CMTR2: variants seen among roughly 807,000 people sequenced by gnomAD.
CMTR2 encodes the protein cap-specific mRNA (nucleoside-2'-O-)-methyltransferase 2.
A neutral mutation model predicts 49.8 loss-of-function variants in CMTR2; 40 were observed. That is an observed-to-expected ratio of 0.80 (90% CI 0.62 to 1.04). CMTR2 has a LOEUF of 1.04. Among genes scored for constraint, CMTR2 ranks in the 50% least tolerant of loss-of-function variants. The pLI, the probability that CMTR2 is intolerant of heterozygous loss-of-function variation, is 0.00. For missense variants in CMTR2, 907 were observed against 897.2 expected (o/e 1.01, Z -0.14); for synonymous variants, 326 against 315.8 (o/e 1.03, Z -0.34).
At position 71,283,231 on chromosome 16, in the gene CMTR2, T is replaced by A. The variant is rs2144834656; in HGVS notation, c.*377A>T. 5.9e-6 allele frequency: 1 copy of A among 169,214 alleles called. No individual in the cohort carries two copies. Among genetic ancestry groups the A allele is most frequent in the South Asian group, 1.9e-4 (1 of 5,292 alleles). 10.5% of individuals were successfully genotyped at this position (169,214 alleles called of 1,614,324 possible). A position where few individuals can be genotyped will look rare whatever the true frequency, so the allele number is the denominator to read the frequency against. On this transcript the variant is annotated 3_prime_UTR_variant, in exon 3 of 3. Coordinates refer to ENST00000434935, the MANE Select transcript of CMTR2 (RefSeq NM_018348.6). ...AAAATTCACTAACAGCATTAGCCAC[T>A]AAGAGGAAATCGGCTGGAAAAAAAA...
intron 2 of CMTR2, chr16:71,286,546 AG>A (rs1316736860): frequency 2.0e-5 from 3 of 151,998 alleles, no homozygotes; most frequent in African/African-American, 7.3e-5. Flanking sequence ...TTACCTCACT[AG>A]TAGGATTGTT....
At position 71,285,684 on chromosome 16, in the gene CMTR2, A is replaced by C; in HGVS notation, c.237T>G (p.Asp79Glu). Reference sequence around the variant, plus strand: ...GCTCATGCCACTCATCCAGTTTCTTATCACTCAGTAGGTTTTTTACTTCAT... The same window carrying C: ...GCTCATGCCACTCATCCAGTTTCTTCTCACTCAGTAGGTTTTTTACTTCAT... ...SLNEVKNLLS[D>E]KKLDEWHEHT... The change falls in exon 3 of 3, where the codon GAT becomes GAG. Residue 79 changes from aspartate (D) to glutamate (E), a missense_variant. By Grantham distance (45) the Asp-to-Glu change is conservative. Transcript: ENST00000434935. 1 of 1,613,358 alleles carries C rather than the reference A, an allele frequency of 6.2e-7. No individual in the cohort carries two copies. Among genetic ancestry groups the C allele is most frequent in the Non-Finnish European group, 8.5e-7 (1 of 1,179,778 alleles).
At position 71,284,798 on chromosome 16, in the gene CMTR2, T is replaced by C. The variant is rs774541419; in HGVS notation, c.1123A>G (p.Ile375Val). Residue 375 changes from isoleucine to valine, a missense_variant, in exon 3 of 3, where the codon ATT becomes GTT. By Grantham distance (29) the Ile-to-Val change is conservative (BLOSUM62 3). Transcript: ENST00000434935. ...TCAAATAGACGAATGTTTTCAGAAA[T>C]AGTCTCTAGCTGATATTTATGAAAG... is the stretch of plus-strand genomic sequence containing the variant. Reference protein sequence around the residue: ...VFFHKYQLETISENIRLFECM... With the variant: ...VFFHKYQLETVSENIRLFECM... The C allele has an allele frequency of 3.1e-6, 5 of 1,613,738 alleles. No homozygotes were observed. The highest frequency in any genetic ancestry group is 1.1e-5 in the South Asian group (1 of 91,058).
rs757206938 is a variant in CMTR2 at position 71,284,270 on chromosome 16, A to G, written c.1651T>C (p.Ser551Pro). Residue 551 changes from serine (S) to proline (P), a missense_variant, in exon 3 of 3, where the codon TCT becomes CCT. Ser to Pro is a moderately conservative substitution (Grantham distance 74). Transcript: ENST00000434935. ...QQYSCSCHVF[S>P]EELIFSELCS... ...AACTCGGAAAATATCAGTTCTTCAG[A>G]AAAAACATGACAAGAACAAGAATAC... 1 of 1,614,100 alleles carries G rather than the reference A, an allele frequency of 6.2e-7. No individual in the cohort carries two copies. The highest frequency in any genetic ancestry group is 1.1e-5 in the South Asian group (1 of 91,080).
intron 2 of CMTR2, chr16:71,287,602 TAA>T: frequency 6.7e-6 from 1 of 149,898 alleles, no homozygotes; most frequent in Non-Finnish European, 1.5e-5. Flanking sequence ...CCCAGTTAGT[TAA>T]AAAAAAAATT....
chr16:71,284,832 A>G lies in CMTR2; in HGVS notation c.1089T>C (p.Cys363=), dbSNP rs2041687091. 1 of 1,613,880 alleles carries G rather than the reference A, an allele frequency of 6.2e-7. No individual in the cohort carries two copies. The highest frequency in any genetic ancestry group is 1.1e-5 in the South Asian group (1 of 91,048). Residue 363 remains cysteine, a synonymous_variant, in exon 3 of 3, where the codon TGT becomes TGC. Coordinates refer to ENST00000434935, the MANE Select transcript of CMTR2 (RefSeq NM_018348.6). The part of the protein sequence containing the change: ...PDSFLKRHEE[C]CVFFHKYQLE... ...GCTGATATTTATGAAAGAACACACA[A>G]CATTCTTCATGTCTCTTAAGAAAAG... is the stretch of plus-strand genomic sequence containing the variant.
At chr16:71,288,199 G>A (rs2041763156) in intron 2 of CMTR2, 1 of 152,188 alleles carries the variant, frequency 6.6e-6, no homozygotes, top group African/African-American at 2.4e-5. Context: ...TTTCTGCATT[G>A]GTGGTCCCTC....
At position 71,281,928 on chromosome 16, in the gene CMTR2, C is replaced by A. The variant is rs1249680776; in HGVS notation, c.*1680G>T. ...AATCCCACTTAGCAAGGCATAAAGA[C>A]TATTAAGTGCAAAATGGTTTTCCAA... is the stretch of plus-strand genomic sequence containing the variant. On this transcript the variant is annotated 3_prime_UTR_variant, in exon 3 of 3. Coordinates refer to ENST00000434935, the MANE Select transcript of CMTR2 (RefSeq NM_018348.6). 6.8e-5 allele frequency: 10 copies of A among 146,778 alleles called. No individual in the cohort carries two copies. Among genetic ancestry groups the A allele is most frequent in the African/African-American group, 1.5e-4 (6 of 39,808 alleles). The allele number at this position is 146,778 out of a possible 1,614,324, so 9.1% of individuals were successfully genotyped here.
In CMTR2 at chr16:71,285,153, G is replaced by A; in HGVS notation, c.768C>T (p.Tyr256=). ...EQEALVSSLH[Y]CEVVTALTTL... ...TGGTCAGAGCAGTGACAACTTCACA[G>A]TAATGCAAAGAAGAAACTAAAGCTT... is the stretch of plus-strand genomic sequence containing the variant. Residue 256 remains tyrosine, a synonymous_variant, in exon 3 of 3, where the codon TAC becomes TAT. Transcript: ENST00000434935. 2 of 1,614,162 alleles carry A rather than the reference G, an allele frequency of 1.2e-6. No individual in the cohort carries two copies. The highest frequency in any genetic ancestry group is 1.7e-6 in the Non-Finnish European group (2 of 1,179,980).
rs781088912 is a variant in CMTR2, at chr16:71,285,864, G to C, written c.57C>G (p.Ser19Arg). Residue 19 changes from serine to arginine, a missense_variant, in exon 3 of 3, where the codon AGC becomes AGG. Transcript: ENST00000434935. The part of the protein sequence containing the change: ...VQQLASPASF[S>R]PDILADIFEL... The stretch of plus-strand genomic sequence containing the variant: ...CAAAAATGTCAGCAAGAATATCTGG[G>C]CTGAATGACGCGGGACTTGCTAGCT... 2.2e-5 allele frequency: 35 copies of C among 1,613,026 alleles called. No homozygotes were observed. Among genetic ancestry groups the C allele is most frequent in the Non-Finnish European group, 2.9e-5 (34 of 1,179,654 alleles).
In CMTR2 at chr16:71,285,369, G is replaced by A; in HGVS notation, c.552C>T (p.Leu184=). 1 of 1,614,072 alleles carries A rather than the reference G, an allele frequency of 6.2e-7. No homozygotes were observed. The highest frequency in any genetic ancestry group is 8.5e-7 in the Non-Finnish European group (1 of 1,179,950). Residue 184 remains leucine (L), a synonymous_variant, in exon 3 of 3, where the codon CTC becomes CTT. Transcript: ENST00000434935. ...LNPYHEANDD[L]MMIMDDRLIA... ...TAAGCCGGTCATCCATAATCATCATGAGGTCGTCATTTGCTTCATGGTATG... is the reference window on the plus strand; with the variant it reads ...TAAGCCGGTCATCCATAATCATCATAAGGTCGTCATTTGCTTCATGGTATG...
rs148127346 is a variant in CMTR2, at chr16:71,284,314, T to C, written c.1607A>G (p.Lys536Arg). 46 of 1,613,794 alleles carry C rather than the reference T, an allele frequency of 2.9e-5. No individual in the cohort carries two copies. In the African/African-American group the frequency reaches 4.3e-4, roughly 15 times the overall value. The change falls in exon 3 of 3, where the codon AAG becomes AGG. Residue 536 changes from lysine (K) to arginine (R), a missense_variant. Lys to Arg is a conservative substitution (Grantham distance 26, BLOSUM62 2). Transcript: ENST00000434935. ...AGAATACTGCTGTTTTGGCCTAAACTTGGAATCCAAATTAAAAGCTCCTCC... is the reference window on the plus strand; with the variant it reads ...AGAATACTGCTGTTTTGGCCTAAACCTGGAATCCAAATTAAAAGCTCCTCC... ...SLGGAFNLDS[K>R]FRPKQQYSCS...
At position 71,285,908 on chromosome 16, in the gene CMTR2, T is replaced by C. The variant is rs2041719200; in HGVS notation, c.13A>G (p.Arg5Gly). MSKC[R>G]KTPVQQLASP... Reference sequence around the variant, plus strand: ...GCTAGCTGCTGAACTGGTGTCTTTCTGCACTTACTCATTTTCAAATCAAAT... The same window carrying C: ...GCTAGCTGCTGAACTGGTGTCTTTCCGCACTTACTCATTTTCAAATCAAAT... The change falls in exon 3 of 3, where the codon AGA becomes GGA. Residue 5 changes from arginine to glycine, a missense_variant. Physicochemically the swap from Arg to Gly is moderately radical, Grantham distance 125. Coordinates refer to ENST00000434935, the MANE Select transcript of CMTR2 (RefSeq NM_018348.6). The C allele has an allele frequency of 6.4e-7, 1 of 1,563,412 alleles. No individual in the cohort carries two copies. The highest frequency in any genetic ancestry group is 2.3e-5 in the East Asian group (1 of 44,336).
At chr16:71,289,590 A>T (rs959768869), upstream of CMTR2, 3 of 143,608 alleles carry the variant, frequency 2.1e-5, no homozygotes, top group Non-Finnish European at 4.5e-5. Flanking sequence ...GCGCAGGCGG[A>T]GCATTCTTTG....
chr16:71,284,924 T>C lies in CMTR2; in HGVS notation c.997A>G (p.Met333Val). The change falls in exon 3 of 3, where the codon ATG becomes GTG. Residue 333 changes from methionine (M) to valine (V), a missense_variant. Transcript: ENST00000434935. ...REAIHPLLSK[M>V]TLNFGTEMKR... ...ATTTCAGTCCCAAAATTCAAGGTCATCTTAGATAACAGAGGATGGATGGCC... is the reference window on the plus strand; with the variant it reads ...ATTTCAGTCCCAAAATTCAAGGTCACCTTAGATAACAGAGGATGGATGGCC... The C allele has an allele frequency of 6.2e-6, 10 of 1,614,160 alleles. 1 individual carries two copies. Among genetic ancestry groups the C allele is most frequent in the Admixed American group, 1.7e-5 (1 of 60,022 alleles).
At position 71,284,950 on chromosome 16, in the gene CMTR2, T is replaced by C. The variant is rs773408421; in HGVS notation, c.971A>G (p.Glu324Gly). The change falls in exon 3 of 3, where the codon GAG (glutamate) becomes GGG (glycine). Residue 324 changes from glutamate (E) to glycine (G), a missense_variant. Physicochemically the swap from Glu to Gly is moderately conservative, Grantham distance 98. Transcript: ENST00000434935. ...YVVCLHYKGR[E>G]AIHPLLSKMT... ...CTTAGATAACAGAGGATGGATGGCC[T>C]CTCTCCCCTTATAGTGGAGGCAAAC... The C allele has an allele frequency of 6.2e-7, 1 of 1,614,142 alleles. No homozygotes were observed. The highest frequency in any genetic ancestry group is 1.1e-5 in the South Asian group (1 of 91,068).
chr16:71,285,146 C>T lies in CMTR2; in HGVS notation c.775G>A (p.Val259Ile). The change falls in exon 3 of 3, where the codon GTT becomes ATT. Residue 259 changes from valine (V) to isoleucine (I), a missense_variant. Physicochemically the swap from Val to Ile is conservative, Grantham distance 29. Transcript: ENST00000434935. ...CCAAGAGTGGTCAGAGCAGTGACAACTTCACAGTAATGCAAAGAAGAAACT... is the reference window on the plus strand; with the variant it reads ...CCAAGAGTGGTCAGAGCAGTGACAATTTCACAGTAATGCAAAGAAGAAACT... The part of the protein sequence containing the change: ...ALVSSLHYCE[V>I]VTALTTLGNG... The T allele has an allele frequency of 1.2e-6, 2 of 1,614,198 alleles. No individual in the cohort carries two copies. Among genetic ancestry groups the T allele is most frequent in the Non-Finnish European group, 1.7e-6 (2 of 1,180,006 alleles).
At position 71,283,885 on chromosome 16, in the gene CMTR2, G is replaced by C; in HGVS notation, c.2036C>G (p.Pro679Arg). Residue 679 changes from proline (P) to arginine (R), a missense_variant, in exon 3 of 3, where the codon CCC (proline) becomes CGC (arginine). Physicochemically the swap from Pro to Arg is moderately radical, Grantham distance 103. Coordinates refer to ENST00000434935, the MANE Select transcript of CMTR2 (RefSeq NM_018348.6). Reference protein sequence around the residue: ...ITFVCPTSSDPLRTCAVLLCV... With the variant: ...ITFVCPTSSDRLRTCAVLLCV... ...TAGCAGGACTGCGCAGGTCCTCAGGGGATCAGAGGATGTGGGACAAACAAA... is the reference window on the plus strand; with the variant it reads ...TAGCAGGACTGCGCAGGTCCTCAGGCGATCAGAGGATGTGGGACAAACAAA... 1.2e-6 allele frequency: 2 copies of C among 1,612,684 alleles called. No individual in the cohort carries two copies. The highest frequency in any genetic ancestry group is 2.2e-5 in the East Asian group (1 of 44,890).
In CMTR2 at chr16:71,283,339, G is replaced by A; in HGVS notation, c.*269C>T. 2.6e-6 allele frequency: 1 copy of A among 388,078 alleles called. No individual in the cohort carries two copies. The highest frequency in any genetic ancestry group is 4.2e-5 in the Admixed American group (1 of 23,980). The allele number at this position is 388,078 out of a possible 1,614,324, so 24.0% of individuals were successfully genotyped here. A position where few individuals can be genotyped will look rare whatever the true frequency, so the allele number is the denominator to read the frequency against. ...CTAAATGGCATAGGTAAGCATGGCT[G>A]TGGCCACCCATACACATACACACAC... On this transcript the variant is annotated 3_prime_UTR_variant, in exon 3 of 3. Coordinates refer to ENST00000434935, the MANE Select transcript of CMTR2 (RefSeq NM_018348.6).
Sources: gnomAD v4.1 joint callset for allele counts on GRCh38, gnomAD v4.1.1 for gene constraint, MANE v1.5 for transcripts, NCBI Gene and HGNC (gene_info 2026-07-23, HGNC 2026-07-21) for gene names.